The following SPRY3 variants were observed in gnomAD, a reference collection of about 807,000 sequenced individuals.
SPRY3 encodes the protein protein sprouty homolog 3.
Under a neutral mutation model 20.2 loss-of-function variants are expected in SPRY3, and 15 were observed. The observed-to-expected ratio is 0.74, with a 90% confidence interval of 0.50 to 1.14. The LOEUF (loss-of-function observed/expected upper bound fraction) is 1.14. Ranked by LOEUF, SPRY3 falls within the 50% of genes most tolerant of loss-of-function variation. The pLI, the probability that SPRY3 is intolerant of heterozygous loss-of-function variation, is 0.00. For missense variants in SPRY3, 364 were observed against 363.9 expected (o/e 1.00, Z 0.00); for synonymous variants, 143 against 136.5 (o/e 1.05, Z -0.33).
intron 1 of SPRY3, among the ~76,000 whole-genome samples, chrX:155,621,924 C>A (rs1240455199): frequency 9.0e-6 from 1 of 111,666 alleles, no homozygotes; most frequent in Non-Finnish European, 1.9e-5. Context: ...GACATGGGTT[C>A]CCTGCCCTGC....
chrX:155,768,774 C>T (rs2091363463), intron 3 of SPRY3, among the ~76,000 whole-genome samples: 1 of 152,172 alleles, frequency 6.6e-6, no homozygotes, highest in Admixed American at 6.5e-5. Context: ...CCTGTGAGCA[C>T]GTCTAGTTAG....
At chrX:155,719,945 C>T (rs2091045642) in intron 2 of SPRY3, among the ~76,000 whole-genome samples, 5 of 152,174 alleles carry the variant, frequency 3.3e-5, no homozygotes, top group African/African-American at 7.2e-5. Context: ...TCCCTTGCTC[C>T]GGAGGTACCA....
At chrX:155,687,081 T>A (rs1192427341) in intron 2 of SPRY3, among the ~76,000 whole-genome samples, 1 of 112,815 alleles carries the variant, frequency 8.9e-6, no homozygotes, top group East Asian at 2.8e-4. Context: ...TTTTTAGCAT[T>A]CTCAAATAGC....
intron 2 of SPRY3, among the ~76,000 whole-genome samples, chrX:155,725,048 A>C (rs1279082444): frequency 6.6e-6 from 1 of 152,144 alleles, no homozygotes; most frequent in Non-Finnish European, 1.5e-5. Flanking sequence ...AATTTTGTCG[A>C]AGGACTTTTC....
intron 2 of SPRY3, among the ~76,000 whole-genome samples, chrX:155,763,143 A>T (rs1189193031): frequency 6.6e-6 from 1 of 152,144 alleles, no homozygotes; most frequent in African/African-American, 2.4e-5. Context: ...GTTCTCACTT[A>T]TAAGTGGGAG....
chrX:155,755,579 G>A (rs1286843449), intron 2 of SPRY3, among the ~76,000 whole-genome samples: 9 of 151,928 alleles, frequency 5.9e-5, no homozygotes, highest in Non-Finnish European at 1.3e-4. Flanking sequence ...GAGGATTTTT[G>A]TGAGATTATG....
intron 2 of SPRY3, among the ~76,000 whole-genome samples, chrX:155,687,497 G>T (rs1258861114): frequency 8.9e-6 from 1 of 112,452 alleles, no homozygotes; most frequent in African/African-American, 3.2e-5. Flanking sequence ...AATAGCCCAG[G>T]GATAGATCTA....
At chrX:155,673,235 GAACATAT>G (rs2068049259) in intron 2 of SPRY3, among the ~76,000 whole-genome samples, 1 of 107,988 alleles carries the variant, frequency 9.3e-6, no homozygotes, top group Admixed American at 9.9e-5. Context: ...ATTAAAAAAA[GAACATAT>G]AACATGTTAA....
chrX:155,754,472 T>TA (rs2091276131), intron 2 of SPRY3, among the ~76,000 whole-genome samples: 1 of 152,092 alleles, frequency 6.6e-6, no homozygotes, highest in South Asian at 2.1e-4. Context: ...ATTCCAGTAC[T>TA]ATACCATCTT....
chrX:155,705,119 C>A (rs1007588468), intron 2 of SPRY3, among the ~76,000 whole-genome samples: 4 of 151,234 alleles, frequency 2.6e-5, no homozygotes, highest in Admixed American at 2.0e-4. Context: ...AATTATTTTT[C>A]TTATTTGTAT....
At chrX:155,729,623 A>G (rs2091120477) in intron 2 of SPRY3, among the ~76,000 whole-genome samples, 1 of 152,076 alleles carries the variant, frequency 6.6e-6, no homozygotes, top group Admixed American at 6.5e-5. Flanking sequence ...AAAAACTTCA[A>G]ATAAATAACT....
At chrX:155,713,898 G>T (rs1286768283) in intron 2 of SPRY3, among the ~76,000 whole-genome samples, 1 of 150,966 alleles carries the variant, frequency 6.6e-6, no homozygotes. Flanking sequence ...TTTTTATTTT[G>T]TCTCCTCTGA....
intron 2 of SPRY3, among the ~76,000 whole-genome samples, chrX:155,765,483 G>C (rs1360438180): frequency 6.6e-6 from 1 of 152,180 alleles, no homozygotes; most frequent in Non-Finnish European, 1.5e-5. Context: ...AACAGCACCT[G>C]GCAAAGAGTA....
At chrX:155,643,807 A>G (rs2067949639) in intron 1 of SPRY3, among the ~76,000 whole-genome samples, 1 of 111,975 alleles carries the variant, frequency 8.9e-6, no homozygotes, top group Admixed American at 9.5e-5. Flanking sequence ...TTCTATTTCT[A>G]TCTTCTTCCT....
At chrX:155,722,497 G>A (rs1234247399) in intron 2 of SPRY3, among the ~76,000 whole-genome samples, 2 of 151,984 alleles carry the variant, frequency 1.3e-5, no homozygotes, top group Non-Finnish European at 1.5e-5. Context: ...CTCCAGCCTG[G>A]GTGACAGAAT....
chrX:155,723,867 G>A (rs920503779), intron 2 of SPRY3, among the ~76,000 whole-genome samples: 9 of 152,142 alleles, frequency 5.9e-5, no homozygotes, highest in African/African-American at 2.2e-4. Context: ...ACATGCCTAT[G>A]TCCTGAATGG....
At chrX:155,684,980 A>G (rs1428421605) in intron 2 of SPRY3, among the ~76,000 whole-genome samples, 2 of 111,634 alleles carry the variant, frequency 1.8e-5, no homozygotes, top group East Asian at 2.8e-4. Flanking sequence ...CATTTTCCCT[A>G]TAGAATACAT....
chrX:155,650,628 G>T (rs2067974078), intron 1 of SPRY3, among the ~76,000 whole-genome samples: 1 of 111,610 alleles, frequency 9.0e-6, no homozygotes, highest in Non-Finnish European at 1.9e-5. Context: ...TCTACATATT[G>T]AATTTTTTGT....
intron 2 of SPRY3, among the ~76,000 whole-genome samples, chrX:155,697,897 C>G (rs1208871259): frequency 9.1e-6 from 1 of 110,419 alleles, no homozygotes; most frequent in Non-Finnish European, 1.9e-5. Flanking sequence ...CTAATTCAAT[C>G]TTTCTCAAAA....
Sources: allele counts gnomAD v4.1 joint callset (sites outside exome capture counted in the v4.1 genomes callset), GRCh38; gene constraint gnomAD v4.1.1; transcripts MANE v1.5; gene names NCBI Gene and HGNC (gene_info 2026-07-23, HGNC 2026-07-21).